The following ZBTB44 variants were observed in gnomAD, a reference collection of about 807,000 sequenced individuals.
ZBTB44 encodes zinc finger and BTB domain containing 44, also known as zinc finger and BTB domain-containing protein 44.
A neutral mutation model predicts 54.0 loss-of-function variants in ZBTB44; 15 were observed. That is an observed-to-expected ratio of 0.28 (90% CI 0.19 to 0.43). The LOEUF (loss-of-function observed/expected upper bound fraction) is 0.43, where lower values mean the gene tolerates loss of function less well. Ranked by LOEUF, ZBTB44 falls within the 20% of genes least tolerant of loss-of-function variation. The pLI is 1.00. For missense variants in ZBTB44, 487 were observed against 707.1 expected, an observed-to-expected ratio of 0.69 and a Z score of 3.53; for synonymous variants, 230 against 250.1, an observed-to-expected ratio of 0.92 and a Z score of 0.76.
chr11:130,240,386 G>A (rs1179187143), intron 2 of ZBTB44, among the ~76,000 whole-genome samples: 2 of 152,056 alleles, frequency 1.3e-5, no homozygotes, highest in Non-Finnish European at 2.9e-5. Flanking sequence ...AAAACCACAT[G>A]TAAGATAATA....
intron 1 of ZBTB44, among the ~76,000 whole-genome samples, chr11:130,274,985 C>A (rs1243058530): frequency 6.6e-6 from 1 of 152,168 alleles, no homozygotes; most frequent in Non-Finnish European, 1.5e-5. Flanking sequence ...CTATCTGAGC[C>A]TGGGCTTTTC....
chr11:130,310,843 TCTC>T (rs2134547743), intron 1 of ZBTB44, among the ~76,000 whole-genome samples: 1 of 152,206 alleles, frequency 6.6e-6, no homozygotes, highest in East Asian at 1.9e-4. Flanking sequence ...TTCAAGCAAT[TCTC>T]CTGCCTCAGC....
At chr11:130,234,990 C>G (rs997921386) in intron 5 of ZBTB44, among the ~76,000 whole-genome samples, 1 of 152,100 alleles carries the variant, frequency 6.6e-6, no homozygotes, top group African/African-American at 2.4e-5. Flanking sequence ...CTTCTTCATA[C>G]TTTTCTGTAT....
intron 1 of ZBTB44, among the ~76,000 whole-genome samples, chr11:130,307,418 C>G (rs535565178): frequency 1.3e-5 from 1 of 78,258 alleles, no homozygotes; most frequent in East Asian, 2.8e-4. Context: ...CAGCAAGACT[C>G]TGTCTCAAAA....
chr11:130,253,740 A>C (rs1452268642), intron 2 of ZBTB44, among the ~76,000 whole-genome samples: 1 of 152,214 alleles, frequency 6.6e-6, no homozygotes, highest in East Asian at 1.9e-4. Flanking sequence ...ACATGGAACC[A>C]AAAAAGAGCC....
In ZBTB44 at chr11:130,234,220, T is replaced by C. The variant is rs201673584; in HGVS notation, c.1622A>G (p.Gln541Arg). Residue 541 changes from glutamine (Q) to arginine (R), a missense_variant, in exon 6 of 8, where the codon CAA becomes CGA. Around this residue, in one of 3 missense-constraint regions of ZBTB44, gnomAD observed 120 missense variants for 240.3 expected, o/e 0.50. Coordinates refer to ENST00000357899, the MANE Select transcript of ZBTB44 (RefSeq NM_001301098.2). ...LNQEQEETLV[Q>R]YDLGEHGFES... ...AAAACCGTGTTCTCCAAGATCATATTGAACAAGGGTCTCTTCTTGTTCCTG... is the reference window on the plus strand; with the variant it reads ...AAAACCGTGTTCTCCAAGATCATATCGAACAAGGGTCTCTTCTTGTTCCTG... 3.6e-5 allele frequency: 55 copies of C among 1,525,330 alleles called. No individual in the cohort carries two copies. Among genetic ancestry groups the C allele is most frequent in the Non-Finnish European group, 4.4e-5 (50 of 1,136,990 alleles). 94.5% of individuals were successfully genotyped at this position (1,525,330 alleles called of 1,614,324 possible).
rs1425103460 is a variant in ZBTB44 at position 130,226,902 on chromosome 11, A to G, written c.*4862T>C. ...AGATTAAACAATCAGGCTAGCAAAA[A>G]GGTACTCAATACATATTTTCCTTAT... On this transcript the variant is annotated 3_prime_UTR_variant, in exon 8 of 8. Coordinates refer to ENST00000357899, the MANE Select transcript of ZBTB44 (RefSeq NM_001301098.2). 6.6e-6 allele frequency: 1 copy of G among 152,198 alleles called. No individual in the cohort carries two copies. Among genetic ancestry groups the G allele is most frequent in the Non-Finnish European group, 1.5e-5 (1 of 68,040 alleles). The allele number at this position is 152,198 out of a possible 1,614,324, so 9.4% of individuals were successfully genotyped here. A position where few individuals can be genotyped will look rare whatever the true frequency, so the allele number is the denominator to read the frequency against.
At chr11:130,270,633 C>G (rs901005424) in intron 1 of ZBTB44, among the ~76,000 whole-genome samples, 3 of 144,532 alleles carry the variant, frequency 2.1e-5, no homozygotes, top group Admixed American at 6.7e-5. Context: ...TTGGTGGCAG[C>G]AGTGAGGATA....
At chr11:130,260,274 G>C (rs75113404) in intron 2 of ZBTB44, among the ~76,000 whole-genome samples, 2,780 of 152,258 alleles carry the variant, frequency 0.018, 86 homozygotes, top group African/African-American at 0.063. Context: ...CTCTGTGTTT[G>C]CATATATGTT....
At chr11:130,273,627 A>C (rs1160986370) in intron 1 of ZBTB44, among the ~76,000 whole-genome samples, 1 of 152,172 alleles carries the variant, frequency 6.6e-6, no homozygotes, top group African/African-American at 2.4e-5. Flanking sequence ...TTCTTAATTT[A>C]ATGCTTCACT....
chr11:130,236,582 C>T, intron 5 of ZBTB44: 1 of 441,698 alleles, frequency 2.3e-6, no homozygotes, highest in Non-Finnish European at 3.7e-6. Flanking sequence ...ATTTTTAATA[C>T]CAACTATAAA....
chr11:130,276,595 T>TG (rs1940122588), intron 1 of ZBTB44, among the ~76,000 whole-genome samples: 3 of 151,938 alleles, frequency 2.0e-5, no homozygotes, highest in African/African-American at 7.3e-5. Flanking sequence ...CCACCATGCC[T>TG]GGCTAATTTT....
At chr11:130,282,360 T>C (rs1288286187) in intron 1 of ZBTB44, among the ~76,000 whole-genome samples, 2 of 152,226 alleles carry the variant, frequency 1.3e-5, no homozygotes, top group Non-Finnish European at 1.5e-5. Context: ...TCTATGAATT[T>C]GACTACTGAA....
At chr11:130,272,495 G>A (rs1404513764) in intron 1 of ZBTB44, among the ~76,000 whole-genome samples, 1 of 152,134 alleles carries the variant, frequency 6.6e-6, no homozygotes, top group East Asian at 1.9e-4. Flanking sequence ...TTCTAGTTGT[G>A]AGTTGCTTAC....
chr11:130,294,491 T>C (rs1411407481), intron 1 of ZBTB44, among the ~76,000 whole-genome samples: 1 of 123,890 alleles, frequency 8.1e-6, no homozygotes, highest in African/African-American at 3.1e-5. Context: ...TCCATTTCCC[T>C]ATAACTAAGT....
At chr11:130,265,863 A>G (rs565765722) in intron 1 of ZBTB44, among the ~76,000 whole-genome samples, 1 of 152,358 alleles carries the variant, frequency 6.6e-6, no homozygotes, top group African/African-American at 2.4e-5. Flanking sequence ...GGTTGAAGGA[A>G]AGAAGCCATC....
chr11:130,269,009 C>T (rs1221731239), intron 1 of ZBTB44, among the ~76,000 whole-genome samples: 2 of 151,532 alleles, frequency 1.3e-5, no homozygotes, highest in East Asian at 1.9e-4. Context: ...AAAAAAATCT[C>T]GCCAGGCACG....
At chr11:130,281,515 CAAAATAAATAAATAAA>C (rs1200199906) in intron 1 of ZBTB44, among the ~76,000 whole-genome samples, 87 of 119,998 alleles carry the variant, frequency 7.3e-4, no homozygotes, top group African/African-American at 1.9e-3. Flanking sequence ...GACCCTGTCT[CAAAATAAATAAATAAA>C]TAAATAAATA....
At chr11:130,303,145 A>C (rs1321964099) in intron 1 of ZBTB44, among the ~76,000 whole-genome samples, 3 of 152,248 alleles carry the variant, frequency 2.0e-5, no homozygotes, top group Non-Finnish European at 4.4e-5. Flanking sequence ...TAACAGGTTA[A>C]GATTGGAATA....
Sources: gnomAD v4.1 joint callset for allele counts (sites outside exome capture counted in the v4.1 genomes callset) on GRCh38, gnomAD v4.1.1 for gene constraint, gnomAD v4.1.1 regional missense constraint, MANE v1.5 for transcripts, NCBI Gene and HGNC (gene_info 2026-07-23, HGNC 2026-07-21) for gene names.